MCTP2: variants seen among roughly 807,000 people sequenced by gnomAD.
MCTP2 encodes multiple C2 and transmembrane domain containing 2.
In MCTP2, 132 loss-of-function variants were observed where a neutral mutation model predicts 111.6. The observed-to-expected ratio is 1.18, with a 90% CI of 1.03 to 1.37. MCTP2 has a LOEUF of 1.37. Ranked by LOEUF, MCTP2 falls within the 40% of genes most tolerant of loss-of-function variation. The pLI is 0.00. For missense variants in MCTP2, 1,183 were observed against 1,067.9 expected (o/e 1.11, Z -1.50); for synonymous variants, 395 against 387.7 (o/e 1.02, Z -0.22).
Position 94,453,844 on chromosome 15 carries a change from C to T in MCTP2, c.2251-4293C>T, listed in dbSNP as rs370651483. ...CATAAACCTGCCAAAGAAGCCTCAA[C>T]AGCTACTTTAAGAGGAAGTATCCAA... is the stretch of plus-strand genomic sequence containing the variant. On this transcript the variant is annotated intron_variant, in intron 19 of 22. Coordinates refer to ENST00000357742, the MANE Select transcript of MCTP2 (RefSeq NM_001385001.1). Among the ~76,000 whole-genome samples the T allele has an allele frequency of 5.9e-5, 9 of 152,264 alleles. No individual in the cohort carries two copies. In the East Asian group the frequency reaches 1.5e-3, roughly 26 times the overall value.
chr15:94,327,523 A>C (rs1363793298), intron 4 of MCTP2, among the ~76,000 whole-genome samples: 2 of 152,164 alleles, frequency 1.3e-5, no homozygotes, highest in Admixed American at 6.5e-5. Context: ...TTTGCTTCTC[A>C]TTGGAGTACC....
chr15:94,275,844 A>T (rs995580076), intron 1 of MCTP2, among the ~76,000 whole-genome samples: 16 of 131,518 alleles, frequency 1.2e-4, no homozygotes, highest in East Asian at 6.5e-4. Context: ...TTTTATAAGC[A>T]TTTTTTTTTT....
At chr15:94,274,288 A>G (rs2074068127) in intron 1 of MCTP2, among the ~76,000 whole-genome samples, 1 of 152,206 alleles carries the variant, frequency 6.6e-6, no homozygotes, top group Non-Finnish European at 1.5e-5. Context: ...GGAAATTTAT[A>G]ACATCAAATG....
intron 19 of MCTP2, among the ~76,000 whole-genome samples, chr15:94,450,332 C>CCGTGTGTGTGTG (rs1243671124): frequency 2.0e-5 from 3 of 152,228 alleles, no homozygotes; most frequent in African/African-American, 7.2e-5. Context: ...GGCGTTGACT[C>CCGTGTGTGTGTG]CATGTGTGTG....
intron 12 of MCTP2, among the ~76,000 whole-genome samples, chr15:94,383,096 C>CT (rs372510997): frequency 2.3e-3 from 343 of 151,948 alleles, no homozygotes; most frequent in African/African-American, 7.7e-3. Flanking sequence ...TTGAGTTATA[C>CT]TTTTTTTGTT....
At chr15:94,311,662 A>G (rs1567390506) in intron 2 of MCTP2, among the ~76,000 whole-genome samples, 1 of 152,182 alleles carries the variant, frequency 6.6e-6, no homozygotes, top group Non-Finnish European at 1.5e-5. Context: ...GGGAACCATA[A>G]CTTTAAGTTC....
chr15:94,408,868 A>G (rs1280264446), intron 17 of MCTP2, among the ~76,000 whole-genome samples: 1 of 152,200 alleles, frequency 6.6e-6, no homozygotes, highest in African/African-American at 2.4e-5. Context: ...GTAGATGTAA[A>G]TGGTTAGCTC....
At chr15:94,240,870 T>A (rs1362760730) in intron 1 of MCTP2, among the ~76,000 whole-genome samples, 1 of 152,188 alleles carries the variant, frequency 6.6e-6, no homozygotes, top group African/African-American at 2.4e-5. Context: ...TGTTTTTGAA[T>A]GATTGTAACC....
chr15:94,369,211 T>C (rs1447443538), intron 11 of MCTP2, among the ~76,000 whole-genome samples: 2 of 152,238 alleles, frequency 1.3e-5, no homozygotes. Flanking sequence ...GGCAAACTGT[T>C]ATTAAGCTTG....
intron 1 of MCTP2, among the ~76,000 whole-genome samples, chr15:94,293,316 G>T (rs749302827): frequency 1.3e-5 from 2 of 151,994 alleles, no homozygotes; most frequent in South Asian, 2.1e-4. Flanking sequence ...GTTCAACAAA[G>T]GACTAATACC....
intron 1 of MCTP2, among the ~76,000 whole-genome samples, chr15:94,259,686 G>A (rs965089387): frequency 3.9e-5 from 6 of 152,112 alleles, no homozygotes; most frequent in Admixed American, 6.5e-5. Flanking sequence ...CCTGGCCCAA[G>A]GTTGGTTTAA....
At chr15:94,284,899 G>C (rs937758401) in intron 1 of MCTP2, among the ~76,000 whole-genome samples, 1 of 152,166 alleles carries the variant, frequency 6.6e-6, no homozygotes, top group Non-Finnish European at 1.5e-5. Flanking sequence ...AAAAGATTAG[G>C]TAAGATCTCA....
intron 4 of MCTP2, among the ~76,000 whole-genome samples, chr15:94,323,190 C>A (rs370125397): frequency 6.6e-6 from 1 of 152,262 alleles, no homozygotes; most frequent in African/African-American, 2.4e-5. Context: ...TTTAGAAAGA[C>A]TCACAAGGAA....
At chr15:94,245,355 T>C (rs932915599) in intron 1 of MCTP2, among the ~76,000 whole-genome samples, 8 of 112,828 alleles carry the variant, frequency 7.1e-5, no homozygotes, top group African/African-American at 2.1e-4. Flanking sequence ...TACATACATA[T>C]GTATATATAT....
At chr15:94,411,592 C>G (rs2082154072) in intron 17 of MCTP2, among the ~76,000 whole-genome samples, 1 of 152,158 alleles carries the variant, frequency 6.6e-6, no homozygotes, top group Non-Finnish European at 1.5e-5. Flanking sequence ...GGGTTTACTA[C>G]AGCGTGTTGT....
intron 8 of MCTP2, among the ~76,000 whole-genome samples, chr15:94,347,186 A>G (rs1310897103): frequency 1.3e-5 from 2 of 152,212 alleles, no homozygotes; most frequent in Non-Finnish European, 2.9e-5. Context: ...TATGGAAATT[A>G]GTCACATGGA....
chr15:94,348,839 C>A (rs1484485103), intron 8 of MCTP2, among the ~76,000 whole-genome samples: 2 of 151,890 alleles, frequency 1.3e-5, no homozygotes, highest in African/African-American at 4.8e-5. Flanking sequence ...TTCATGCATT[C>A]TTCACTGAAT....
chr15:94,267,889 A>T (rs1486893949), intron 1 of MCTP2, among the ~76,000 whole-genome samples: 1 of 1,430 alleles, frequency 7.0e-4, no homozygotes, highest in African/African-American at 4.2e-3. Flanking sequence ...TTTTTGAGAC[A>T]GAGTCTTGCT....
chr15:94,326,938 T>A (rs2076913051), intron 4 of MCTP2, among the ~76,000 whole-genome samples: 1 of 152,060 alleles, frequency 6.6e-6, no homozygotes, highest in South Asian at 2.1e-4. Context: ...CTTTAAATTG[T>A]TTTCATCAAT....
Sources: gnomAD v4.1 joint callset for allele counts (sites outside exome capture counted in the v4.1 genomes callset) on GRCh38, gnomAD v4.1.1 for gene constraint, MANE v1.5 for transcripts, NCBI Gene and HGNC (gene_info 2026-07-23, HGNC 2026-07-21) for gene names.